Variants in KIAA0825 observed in about 807,000 individuals in gnomAD.
KIAA0825 encodes the protein uncharacterized protein KIAA0825.
Under a neutral mutation model 147.6 loss-of-function variants are expected in KIAA0825, and 119 were observed. The observed-to-expected ratio is 0.81, with a 90% CI of 0.69 to 0.94. The LOEUF (loss-of-function observed/expected upper bound fraction) is 0.94. Among genes scored for constraint, KIAA0825 ranks in the 40% least tolerant of loss-of-function variants. KIAA0825 has a pLI of 0.00. For synonymous variants in KIAA0825, 470 were observed against 518.1 expected, an observed-to-expected ratio of 0.91 and a Z score of 1.26; for missense variants, 1,381 against 1,472.7, an observed-to-expected ratio of 0.94 and a Z score of 1.02.
chr5:94,265,584 A>C (rs1458012879), intron 20 of KIAA0825, among the ~76,000 whole-genome samples: 1 of 152,192 alleles, frequency 6.6e-6, no homozygotes, highest in Non-Finnish European at 1.5e-5. Context: ...AAATCACCTG[A>C]GGTCAGGAGT....
At chr5:94,485,996 T>C (rs181465473) in intron 5 of KIAA0825, among the ~76,000 whole-genome samples, 5 of 152,048 alleles carry the variant, frequency 3.3e-5, no homozygotes, top group Non-Finnish European at 7.4e-5. Context: ...ACTATCATTT[T>C]AATATGATAA....
chr5:94,389,948 A>G (rs747477822), intron 18 of KIAA0825, among the ~76,000 whole-genome samples: 7 of 152,218 alleles, frequency 4.6e-5, no homozygotes, highest in Non-Finnish European at 8.8e-5. Flanking sequence ...TCTGATAGAC[A>G]TTACTATAAC....
chr5:94,547,598 A>G (rs1774679126), intron 2 of KIAA0825, among the ~76,000 whole-genome samples: 3 of 152,022 alleles, frequency 2.0e-5, no homozygotes, highest in South Asian at 4.1e-4. Context: ...TTGGCCAGGC[A>G]TGGTGGCACA....
chr5:94,600,417 C>T (rs1408740137), intron 1 of KIAA0825, among the ~76,000 whole-genome samples: 2 of 151,352 alleles, frequency 1.3e-5, no homozygotes, highest in African/African-American at 4.9e-5. Flanking sequence ...ATATTATATT[C>T]CTTATATTTC....
chr5:94,475,545 C>T (rs1407818410), intron 7 of KIAA0825, among the ~76,000 whole-genome samples: 34 of 152,276 alleles, frequency 2.2e-4, no homozygotes, highest in Admixed American at 2.2e-3. Context: ...TGATGGCTTA[C>T]GCCTATAATC....
chr5:94,273,900 T>C (rs765447739), intron 20 of KIAA0825, among the ~76,000 whole-genome samples: 6 of 152,050 alleles, frequency 3.9e-5, no homozygotes, highest in Non-Finnish European at 7.4e-5. Flanking sequence ...AAAAGATATA[T>C]ACAAGGAGAA....
rs2149891340 is a variant in KIAA0825, at chr5:94,150,948, TAATTACATAAAA to T, written c.*3047_*3058del. On this transcript the variant is annotated 3_prime_UTR_variant, in exon 21 of 21. Transcript: ENST00000682413. ...CAATAATAAAATAGATATCTCTATATAATTACATAAAAATACAATTAAGCAGAACACAGAAGG... is the reference window on the plus strand; with the variant it reads ...CAATAATAAAATAGATATCTCTATATATACAATTAAGCAGAACACAGAAGG... 1.3e-5 allele frequency among the ~76,000 whole-genome samples: 2 copies of T among 152,302 alleles called. No homozygotes were observed. The highest frequency in any genetic ancestry group is 1.3e-4 in the Admixed American group (2 of 15,308).
intron 5 of KIAA0825, among the ~76,000 whole-genome samples, chr5:94,504,037 C>G (rs933519412): frequency 1.4e-4 from 22 of 152,120 alleles, no homozygotes; most frequent in African/African-American, 5.3e-4. Context: ...GAAAGGGGCT[C>G]AATTCGATTA....
intron 20 of KIAA0825, among the ~76,000 whole-genome samples, chr5:94,253,408 G>A (rs1445190714): frequency 6.6e-6 from 1 of 152,056 alleles, no homozygotes; most frequent in Non-Finnish European, 1.5e-5. Flanking sequence ...TAACACATGC[G>A]GTGCATGCAG....
intron 2 of KIAA0825, among the ~76,000 whole-genome samples, chr5:94,574,543 CAAAAAAAAAAAA>C (rs1181241238): frequency 1.5e-5 from 1 of 65,530 alleles, no homozygotes; most frequent in Non-Finnish European, 2.6e-5. Flanking sequence ...GACTCCATCT[CAAAAAAAAAAAA>C]AAAAAAAAAA....
At chr5:94,449,618 G>A (rs1441269879) in intron 13 of KIAA0825, among the ~76,000 whole-genome samples, 1 of 152,182 alleles carries the variant, frequency 6.6e-6, no homozygotes, top group Non-Finnish European at 1.5e-5. Context: ...TTGAATGAAA[G>A]TGGGTATTCA....
chr5:94,534,164 A>G (rs1250342472), intron 3 of KIAA0825, among the ~76,000 whole-genome samples: 1 of 152,230 alleles, frequency 6.6e-6, no homozygotes, highest in Non-Finnish European at 1.5e-5. Context: ...AATGTACACT[A>G]CTGGGAGATA....
At chr5:94,607,087 ATCT>A (rs1787624658) in intron 1 of KIAA0825, among the ~76,000 whole-genome samples, 1 of 152,048 alleles carries the variant, frequency 6.6e-6, no homozygotes, top group South Asian at 2.1e-4. Context: ...AGACTATATA[ATCT>A]TCTTAAAACA....
At chr5:94,347,599 G>T (rs764870554) in intron 20 of KIAA0825, among the ~76,000 whole-genome samples, 4 of 152,160 alleles carry the variant, frequency 2.6e-5, no homozygotes, top group Non-Finnish European at 2.9e-5. Context: ...ATAGGAAAAG[G>T]GAGAGAGTAC....
intron 20 of KIAA0825, among the ~76,000 whole-genome samples, chr5:94,370,448 A>C (rs1487099137): frequency 2.0e-5 from 3 of 152,200 alleles, no homozygotes; most frequent in Non-Finnish European, 4.4e-5. Context: ...TAAGTAGAGA[A>C]ATGATTTTAA....
intron 2 of KIAA0825, among the ~76,000 whole-genome samples, chr5:94,537,664 A>AAC (rs1772351502): frequency 1.3e-5 from 2 of 151,394 alleles, no homozygotes; most frequent in Admixed American, 1.3e-4. Context: ...AAAAAAAAAA[A>AAC]AAAGAAAGCT....
intron 6 of KIAA0825, among the ~76,000 whole-genome samples, chr5:94,479,694 G>A (rs1015799058): frequency 6.6e-6 from 1 of 152,098 alleles, no homozygotes; most frequent in African/African-American, 2.4e-5. Flanking sequence ...CAAAGAGCCT[G>A]TACCATTTTG....
chr5:94,489,737 T>A (rs1763494574), intron 5 of KIAA0825, among the ~76,000 whole-genome samples: 1 of 151,354 alleles, frequency 6.6e-6, no homozygotes, highest in Non-Finnish European at 1.5e-5. Flanking sequence ...AATACAAAAA[T>A]TAGCCAGGCG....
intron 16 of KIAA0825, among the ~76,000 whole-genome samples, chr5:94,397,482 G>C (rs898784430): frequency 2.0e-5 from 3 of 152,168 alleles, no homozygotes; most frequent in African/African-American, 7.2e-5. Context: ...AACTTATAAA[G>C]ACTGTTCCAA....
Sources: gnomAD v4.1 joint callset for allele counts (sites outside exome capture counted in the v4.1 genomes callset) on GRCh38, gnomAD v4.1.1 for gene constraint, MANE v1.5 for transcripts, NCBI Gene and HGNC (gene_info 2026-07-23, HGNC 2026-07-21) for gene names.